The following STON2 variants were observed in gnomAD, a reference collection of about 807,000 sequenced individuals.
STON2 encodes the protein stonin-2.
A neutral mutation model predicts 65.7 loss-of-function variants in STON2; 29 were observed. The observed-to-expected ratio is 0.44, with a 90% confidence interval of 0.33 to 0.60. The LOEUF is 0.60. STON2 is among the 20% of genes least tolerant of loss of function. The probability of loss-of-function intolerance (pLI) is 0.03; values close to 1 mark genes in which losing one functional copy is unlikely to be tolerated. For synonymous variants in STON2, 404 were observed against 414.2 expected (o/e 0.98, Z 0.30); for missense variants, 1,054 against 1,118.1 (o/e 0.94, Z 0.82).
chr14:81,330,952 T>G (rs150341730), intron 4 of STON2, among the ~76,000 whole-genome samples: 1 of 152,366 alleles, frequency 6.6e-6, no homozygotes, highest in East Asian at 1.9e-4. Context: ...GACTAAGAGC[T>G]GTGCTCACAT....
In STON2 at chr14:81,263,555, A is replaced by C. The variant is rs973057665; in HGVS notation, c.*4859T>G. 2.0e-3 allele frequency: 386 copies of C among 192,222 alleles called. No homozygotes were observed. The highest frequency in any genetic ancestry group is 8.6e-3 in the African/African-American group (334 of 39,028). 11.9% of individuals were successfully genotyped at this position (192,222 alleles called of 1,614,324 possible). A position where few individuals can be genotyped will look rare whatever the true frequency, so the allele number is the denominator to read the frequency against. ...TCCGTCTCAAAAAAAAAAAAAAAAA[A>C]AAAAACAAAAAAGAAAATGCTATTT... On this transcript the variant is annotated 3_prime_UTR_variant, in exon 8 of 8. Coordinates refer to ENST00000614646, the MANE Select transcript of STON2 (RefSeq NM_001394390.1).
At chr14:81,338,384 T>C (rs945755371) in intron 4 of STON2, among the ~76,000 whole-genome samples, 1 of 152,110 alleles carries the variant, frequency 6.6e-6, no homozygotes, top group African/African-American at 2.4e-5. Context: ...AGCTTCCAGG[T>C]AGGTGGACAC....
In STON2 at chr14:81,278,071, C is replaced by G; in HGVS notation, c.1411G>C (p.Ala471Pro). 1 of 1,614,170 alleles carries G rather than the reference C, an allele frequency of 6.2e-7. No individual in the cohort carries two copies. The highest frequency in any genetic ancestry group is 8.5e-7 in the Non-Finnish European group (1 of 1,180,036). Residue 471 changes from alanine to proline, a missense_variant, in exon 6 of 8, where the codon GCT (alanine) becomes CCT (proline). Ala to Pro is a conservative substitution (Grantham distance 27). Transcript: ENST00000614646. ...DDPVAWIELD[A>P]HPPGSARSQP... ...GACCGTGCTGATCCAGGCGGGTGAGCATCTAGTTCAATCCAGGCTACTGGG... is the reference window on the plus strand; with the variant it reads ...GACCGTGCTGATCCAGGCGGGTGAGGATCTAGTTCAATCCAGGCTACTGGG...
In STON2 at chr14:81,278,520, T is replaced by C. The variant is rs1291494904; in HGVS notation, c.962A>G (p.Asp321Gly). 6.2e-7 allele frequency: 1 copy of C among 1,614,118 alleles called. No individual in the cohort carries two copies. The highest frequency in any genetic ancestry group is 8.5e-7 in the Non-Finnish European group (1 of 1,179,984). Reference sequence around the variant, plus strand: ...TGATCCCATTGAATTATAAGGTACATCTGGGATCACAGATGCACTTGGTGG... The same window carrying C: ...TGATCCCATTGAATTATAAGGTACACCTGGGATCACAGATGCACTTGGTGG... ...NTPPSASVIP[D>G]VPYNSMGSFK... Residue 321 changes from aspartate (D) to glycine (G), a missense_variant, in exon 6 of 8, where the codon GAT (aspartate) becomes GGT (glycine). By Grantham distance (94) the Asp-to-Gly change is moderately conservative. Transcript: ENST00000614646.
intron 4 of STON2, among the ~76,000 whole-genome samples, chr14:81,360,022 T>A (rs1011093145): frequency 3.9e-5 from 6 of 152,092 alleles, no homozygotes; most frequent in African/African-American, 1.4e-4. Flanking sequence ...TCCTGGGAGG[T>A]TGAGGCTGCA....
rs751000327 is a variant in STON2 at position 81,267,729 on chromosome 14, A to G, written c.*685T>C. On this transcript the variant is annotated 3_prime_UTR_variant, in exon 8 of 8. Coordinates refer to ENST00000614646, the MANE Select transcript of STON2 (RefSeq NM_001394390.1). Reference sequence around the variant, plus strand: ...AATGTGGGTCCATTCACAAAATTAAAAAGTCTCCTATTGTGCCTTTTTCCA... The same window carrying G: ...AATGTGGGTCCATTCACAAAATTAAGAAGTCTCCTATTGTGCCTTTTTCCA... The G allele has an allele frequency of 6.2e-5, 61 of 985,302 alleles. No individual in the cohort carries two copies. The highest frequency in any genetic ancestry group is 7.0e-5 in the Non-Finnish European group (58 of 829,934). The allele number at this position is 985,302 out of a possible 1,614,324, so 61.0% of individuals were successfully genotyped here. A position where few individuals can be genotyped will look rare whatever the true frequency, so the allele number is the denominator to read the frequency against.
chr14:81,292,320 A>G (rs1895589053), intron 5 of STON2, among the ~76,000 whole-genome samples: 1 of 152,210 alleles, frequency 6.6e-6, no homozygotes, highest in Non-Finnish European at 1.5e-5. Flanking sequence ...TATCCAATAA[A>G]TATGCAGCAA....
At position 81,277,610 on chromosome 14, in the gene STON2, A is replaced by G; in HGVS notation, c.1872T>C (p.Leu624=). Reference sequence around the variant, plus strand: ...TGACATCCACTGTAATCTCCTCTTCAAGGTAGTTGAGGCCAACTGTGCTCA... The same window carrying G: ...TGACATCCACTGTAATCTCCTCTTCGAGGTAGTTGAGGCCAACTGTGCTCA... ...MDLSTVGLNY[L]EEEITVDVRD... The change falls in exon 6 of 8, where the codon CTT becomes CTC. Residue 624 remains leucine (L), a synonymous_variant. Coordinates refer to ENST00000614646, the MANE Select transcript of STON2 (RefSeq NM_001394390.1). 1.2e-6 allele frequency: 2 copies of G among 1,614,096 alleles called. No homozygotes were observed. Among genetic ancestry groups the G allele is most frequent in the Non-Finnish European group, 1.7e-6 (2 of 1,180,028 alleles).
chr14:81,404,133 T>C (rs527836305), upstream of STON2, among the ~76,000 whole-genome samples: 124 of 152,330 alleles, frequency 8.1e-4, no homozygotes, highest in Non-Finnish European at 1.5e-3. Context: ...TTAGGAAGGT[T>C]AATTTAAACA....
chr14:81,343,468 C>T (rs1233455637), intron 4 of STON2, among the ~76,000 whole-genome samples: 3 of 147,834 alleles, frequency 2.0e-5, no homozygotes, highest in Non-Finnish European at 4.5e-5. Context: ...CTCAAGAAAG[C>T]TTTTCTTCCT....
At chr14:81,299,898 T>TG (rs59997170) in intron 5 of STON2, among the ~76,000 whole-genome samples, 2 of 151,308 alleles carry the variant, frequency 1.3e-5, no homozygotes, top group Admixed American at 6.6e-5. Context: ...TTTTTTTTTT[T>TG]AAATTGATCT....
chr14:81,382,693 C>G (rs548580464), intron 3 of STON2, among the ~76,000 whole-genome samples: 1 of 152,130 alleles, frequency 6.6e-6, no homozygotes, highest in Non-Finnish European at 1.5e-5. Context: ...CTTAAATGTT[C>G]TTTTGTATTT....
chr14:81,279,150 AC>A (rs111945566), intron 5 of STON2, among the ~76,000 whole-genome samples: 7 of 152,246 alleles, frequency 4.6e-5, no homozygotes, highest in African/African-American at 1.7e-4. Context: ...ACTGAAAAAA[AC>A]CAAGTTATCG....
chr14:81,273,996 T>C (rs1039100410), intron 6 of STON2, among the ~76,000 whole-genome samples: 1 of 152,174 alleles, frequency 6.6e-6, no homozygotes, highest in Non-Finnish European at 1.5e-5. Flanking sequence ...AGGAAAGGGC[T>C]ATTACTGAAA....
chr14:81,341,722 CA>C (rs1339744301), intron 4 of STON2, among the ~76,000 whole-genome samples: 1 of 152,162 alleles, frequency 6.6e-6, no homozygotes, highest in East Asian at 1.9e-4. Context: ...CCTACTGTAA[CA>C]AAAGTTCTGC....
At chr14:81,330,904 G>C (rs58210744) in intron 4 of STON2, among the ~76,000 whole-genome samples, 10,978 of 152,276 alleles carry the variant, frequency 0.072, 565 homozygotes, top group Non-Finnish European at 0.11. Context: ...GCTGCTTAGT[G>C]ATTAAGTTAG....
At chr14:81,334,939 G>A (rs951367078) in intron 4 of STON2, among the ~76,000 whole-genome samples, 3 of 152,030 alleles carry the variant, frequency 2.0e-5, no homozygotes, top group Admixed American at 6.6e-5. Context: ...CCAGGCTCAA[G>A]CAATCCTCCC....
chr14:81,416,909 G>A (rs1901464289), intron 2 of STON2, among the ~76,000 whole-genome samples: 1 of 152,176 alleles, frequency 6.6e-6, no homozygotes, highest in Non-Finnish European at 1.5e-5. Flanking sequence ...AGGATTAGAG[G>A]AAAACAGAGC....
chr14:81,327,422 T>A (rs1595357123), intron 4 of STON2, among the ~76,000 whole-genome samples: 1 of 152,316 alleles, frequency 6.6e-6, no homozygotes, highest in South Asian at 2.1e-4. Flanking sequence ...AACATGTTCC[T>A]CTCCCTTTGG....
Sources: allele counts gnomAD v4.1 joint callset (sites outside exome capture counted in the v4.1 genomes callset), GRCh38; gene constraint gnomAD v4.1.1; transcripts MANE v1.5; gene names NCBI Gene and HGNC (gene_info 2026-07-23, HGNC 2026-07-21).